Variants in THYN1 observed in about 807,000 individuals in gnomAD.
The protein encoded by THYN1 is thymocyte nuclear protein 1.
Under a neutral mutation model 30.6 loss-of-function variants are expected in THYN1, and 32 were observed. That is an observed-to-expected ratio of 1.05 (90% CI 0.79 to 1.40). THYN1 has a LOEUF of 1.40. Among genes scored for constraint, THYN1 ranks in the 40% most tolerant of loss-of-function variants. THYN1 has a pLI of 0.00. For missense variants in THYN1, 259 were observed against 272.6 expected, an observed-to-expected ratio of 0.95 and a Z score of 0.35; for synonymous variants, 107 against 90.8, an observed-to-expected ratio of 1.18 and a Z score of -1.01.
At chr11:134,252,488 G>A (rs971249180) in intron 1 of THYN1, among the ~76,000 whole-genome samples, 4 of 152,020 alleles carry the variant, frequency 2.6e-5, no homozygotes, top group Admixed American at 6.6e-5. Context: ...CATCCTTCTC[G>A]AGGCCTTCCC....
chr11:134,252,913 G>C lies in THYN1; in HGVS notation c.-31C>G. 1 of 1,557,188 alleles carries C rather than the reference G, an allele frequency of 6.4e-7. No individual in the cohort carries two copies. Among genetic ancestry groups the C allele is most frequent in the East Asian group, 2.3e-5 (1 of 42,964 alleles). Reference sequence around the variant, plus strand: ...CGCTGCAGGGGACTTTAGTGCGGACGATTCTGGAATCAACGGAGATACAAG... The same window carrying C: ...CGCTGCAGGGGACTTTAGTGCGGACCATTCTGGAATCAACGGAGATACAAG... On this transcript the variant is annotated 5_prime_UTR_variant, in exon 1 of 7. In the 5' UTR this introduces an upstream ATG that the reference lacks. Coordinates refer to ENST00000341541, the MANE Select transcript of THYN1 (RefSeq NM_014174.3).
intron 1 of THYN1, chr11:134,251,608 T>C (rs1323013840): frequency 3.5e-6 from 1 of 286,398 alleles, no homozygotes; most frequent in African/African-American, 2.2e-5. Context: ...CTCTCTCTTC[T>C]ATGCCTTTGC....
chr11:134,251,000 T>G, intron 2 of THYN1, 130 bp downstream of exon 2: 30 of 1,088,758 alleles, frequency 2.8e-5, no homozygotes, highest in Non-Finnish European at 1.8e-5. Flanking sequence ...ACCCTGCCGA[T>G]TTTATTCATT....
At position 134,249,912 on chromosome 11, in the gene THYN1, G is replaced by C. The variant is rs1374303433; in HGVS notation, c.300C>G (p.Asn100Lys). 1 of 1,613,574 alleles carries C rather than the reference G, an allele frequency of 6.2e-7. No individual in the cohort carries two copies. Among genetic ancestry groups the C allele is most frequent in the Non-Finnish European group, 8.5e-7 (1 of 1,179,722 alleles). Residue 100 changes from asparagine to lysine, a missense_variant, in exon 4 of 7, where the codon AAC (asparagine) becomes AAG (lysine). Transcript: ENST00000341541. ...WDGVRNYQAR[N>K]FLRAMKLGEE... Reference sequence around the variant, plus strand: ...CTCCCAGCTTCATGGCTCTAAGGAAGTTCCGAGCCTGTCCCGGGAGAAGAA... The same window carrying C: ...CTCCCAGCTTCATGGCTCTAAGGAACTTCCGAGCCTGTCCCGGGAGAAGAA...
In THYN1 at chr11:134,249,276, A is replaced by G; in HGVS notation, c.385-14T>C. On this transcript the variant is annotated splice_polypyrimidine_tract_variant and intron_variant, in intron 4 of 6. Coordinates refer to ENST00000341541, the MANE Select transcript of THYN1 (RefSeq NM_014174.3). The stretch of plus-strand genomic sequence containing the variant: ...CTCTTTCACGATCTGAAACCAAAAC[A>G]AAAGCTTTGAATCATCTGCCTGCAG... 6.2e-7 allele frequency: 1 copy of G among 1,613,572 alleles called. No individual in the cohort carries two copies. The highest frequency in any genetic ancestry group is 2.2e-5 in the East Asian group (1 of 44,886).
In THYN1 at chr11:134,249,262, T is replaced by C. The variant is rs1384007772; in HGVS notation, c.385A>G (p.Ile129Val). The C allele has an allele frequency of 6.2e-7, 1 of 1,614,228 alleles. No individual in the cohort carries two copies. The change falls in exon 5 of 7, where the codon ATC becomes GTC. Residue 129 changes from isoleucine to valine, a missense_variant and splice_region_variant. Ile to Val is a conservative substitution (Grantham distance 29). Coordinates refer to ENST00000341541, the MANE Select transcript of THYN1 (RefSeq NM_014174.3). ...KEPGIAGLMK[I>V]VKEAYPDHTQ... ...TGGTCTGGGTAAGCCTCTTTCACGA[T>C]CTGAAACCAAAACAAAAGCTTTGAA... is the stretch of plus-strand genomic sequence containing the variant.
rs1241543646 is a variant in THYN1, at chr11:134,251,199, C to T, written c.153G>A (p.Lys51=). ...QKTSATKNCL[K]NLSSHWLMKS... ...TCATCAGCCAGTGGCTGCTTAGATT[C>T]TTCAAACAGTTTTTAGTGGCTGAAG... Residue 51 remains lysine, a synonymous_variant, in exon 2 of 7, where the codon AAG becomes AAA. Coordinates refer to ENST00000341541, the MANE Select transcript of THYN1 (RefSeq NM_014174.3). 1 of 1,614,214 alleles carries T rather than the reference C, an allele frequency of 6.2e-7. No individual in the cohort carries two copies. Among genetic ancestry groups the T allele is most frequent in the Non-Finnish European group, 8.5e-7 (1 of 1,180,040 alleles).
Position 134,253,126 on chromosome 11 carries a change from G to A in THYN1, c.-244C>T. ...TAAACTCTTCTCGGTTCTGTCCTTG[G>A]TCCTTCTCATCCAGGAACCCCTATC... On this transcript the variant is annotated 5_prime_UTR_variant, in exon 1 of 7. Coordinates refer to ENST00000341541, the MANE Select transcript of THYN1 (RefSeq NM_014174.3). 2.9e-6 allele frequency: 4 copies of A among 1,357,656 alleles called. No homozygotes were observed. The South Asian group carries it at 7.5e-5, about 25-fold the overall frequency. 84.1% of individuals were successfully genotyped at this position (1,357,656 alleles called of 1,614,324 possible).
intron 4 of THYN1, 47 bp from the exon 5 acceptor site, chr11:134,249,309 C>T (rs763274224): frequency 6.4e-7 from 1 of 1,568,304 alleles, no homozygotes; most frequent in South Asian, 1.1e-5. Context: ...CAGTCAGCTC[C>T]ACAGCCAATC....
In THYN1 at chr11:134,249,108, C is replaced by T. The variant is rs758938429; in HGVS notation, c.480+59G>A. 2.5e-6 allele frequency: 4 copies of T among 1,571,728 alleles called. No homozygotes were observed. In the South Asian group the frequency reaches 3.5e-5, roughly 14 times the overall value. ...GTACCTTGACCTACAGTCACCCCAA[C>T]CGTCTTCTTCCCCTGGTTCATCCTT... On this transcript the variant is annotated intron_variant, in intron 5 of 6. Transcript: ENST00000341541.
Position 134,250,200 on chromosome 11 carries a change from A to G in THYN1, c.291+75T>C, listed in dbSNP as rs2136060662. 6.5e-6 allele frequency: 10 copies of G among 1,542,272 alleles called. 1 individual carries two copies. The South Asian group carries it at 1.1e-4, about 17-fold the overall frequency. On this transcript the variant is annotated intron_variant, in intron 3 of 6. Coordinates refer to ENST00000341541, the MANE Select transcript of THYN1 (RefSeq NM_014174.3). Reference sequence around the variant, plus strand: ...GCAACCTTGGCCAAGAGGTTCTGCTACTGAGTACGTCATGAGGAGGAGGCA... The same window carrying G: ...GCAACCTTGGCCAAGAGGTTCTGCTGCTGAGTACGTCATGAGGAGGAGGCA...
Position 134,250,265 on chromosome 11 carries a change from AC to A in THYN1, c.291+9del. The A allele has an allele frequency of 6.2e-7, 1 of 1,614,012 alleles. No homozygotes were observed. The highest frequency in any genetic ancestry group is 8.5e-7 in the Non-Finnish European group (1 of 1,179,954). Reference sequence around the variant, plus strand: ...CTGGGTCTCAGGCGACCTCCTCCTTACCCTCTTACCTGGTAGTTACGAACAC... The same window carrying A: ...CTGGGTCTCAGGCGACCTCCTCCTTACCTCTTACCTGGTAGTTACGAACAC... On this transcript the variant is annotated intron_variant, in intron 3 of 6. Transcript: ENST00000341541.
Position 134,251,210 on chromosome 11 carries a change from T to C in THYN1, c.142A>G (p.Asn48Asp), listed in dbSNP as rs370664070. The C allele has an allele frequency of 1.2e-5, 19 of 1,614,104 alleles. No homozygotes were observed. The highest frequency in any genetic ancestry group is 1.5e-5 in the Non-Finnish European group (18 of 1,180,044). Residue 48 changes from asparagine to aspartate, a missense_variant, in exon 2 of 7, where the codon AAC becomes GAC. Coordinates refer to ENST00000341541, the MANE Select transcript of THYN1 (RefSeq NM_014174.3). ...SNPQKTSATK[N>D]CLKNLSSHWL... ...TGGCTGCTTAGATTCTTCAAACAGT[T>C]TTTAGTGGCTGAAGTCTTCTGAGGG...
Position 134,249,880 on chromosome 11 carries a change from G to A in THYN1, c.332C>T (p.Ala111Val), listed in dbSNP as rs1938967415. 6.2e-7 allele frequency: 1 copy of A among 1,613,966 alleles called. No individual in the cohort carries two copies. The highest frequency in any genetic ancestry group is 1.1e-5 in the South Asian group (1 of 91,084). Residue 111 changes from alanine to valine, a missense_variant, in exon 4 of 7, where the codon GCC becomes GTC. Physicochemically the swap from Ala to Val is moderately conservative, Grantham distance 64. Coordinates refer to ENST00000341541, the MANE Select transcript of THYN1 (RefSeq NM_014174.3). The part of the protein sequence containing the change: ...FLRAMKLGEE[A>V]FFYHSNCKEP... The stretch of plus-strand genomic sequence containing the variant: ...TTTGCAGTTGCTATGGTAGAAGAAG[G>A]CTTCTTCTCCCAGCTTCATGGCTCT...
rs1390274862 is a variant in THYN1 at position 134,248,420 on chromosome 11, C to T, written c.*18G>A. The stretch of plus-strand genomic sequence containing the variant: ...TCTTTGCAGCAATGTCTCGCCCATT[C>T]CAGCAGCAGTATCTCAGTTAACTTG... On this transcript the variant is annotated 3_prime_UTR_variant, in exon 7 of 7. Transcript: ENST00000341541. 5.0e-6 allele frequency: 8 copies of T among 1,613,972 alleles called. No individual in the cohort carries two copies. Among genetic ancestry groups the T allele is most frequent in the Non-Finnish European group, 6.8e-6 (8 of 1,179,972 alleles).
chr11:134,249,888 T>TC lies in THYN1; in HGVS notation c.323dup (p.Glu109ArgfsTer8). 1 of 1,614,076 alleles carries TC rather than the reference T, an allele frequency of 6.2e-7. No homozygotes were observed. The highest frequency in any genetic ancestry group is 8.5e-7 in the Non-Finnish European group (1 of 1,179,998). On this transcript the variant is annotated frameshift_variant, in exon 4 of 7. Coordinates refer to ENST00000341541, the MANE Select transcript of THYN1 (RefSeq NM_014174.3). LOFTEE classifies it high-confidence loss of function. ...TGCTATGGTAGAAGAAGGCTTCTTC[T>TC]CCCAGCTTCATGGCTCTAAGGAAGT...
rs1266490260 is a variant in THYN1 at position 134,248,797 on chromosome 11, G to T, written c.631+12C>A. 1.2e-6 allele frequency: 2 copies of T among 1,613,924 alleles called. No individual in the cohort carries two copies. The highest frequency in any genetic ancestry group is 1.7e-6 in the Non-Finnish European group (2 of 1,179,872). On this transcript the variant is annotated intron_variant, in intron 6 of 6. Coordinates refer to ENST00000341541, the MANE Select transcript of THYN1 (RefSeq NM_014174.3). ...TGGTATATGGACAATAAAGGAGAGG[G>T]CCCACTCTTACCCTGGGTCAGGGGC...
Position 134,248,956 on chromosome 11 carries a change from C to T in THYN1, c.484G>A (p.Asp162Asn). 6.2e-7 allele frequency: 1 copy of T among 1,614,198 alleles called. No individual in the cohort carries two copies. Residue 162 changes from aspartate to asparagine, a missense_variant, in exon 6 of 7, where the codon GAT becomes AAT. Transcript: ENST00000341541. ...KEDNPKWSMV[D>N]VQFVRMMKRF... ...TTCATCATCCGAACAAACTGTACATCCACCTATGTGACAACAGTGTACATG... is the reference window on the plus strand; with the variant it reads ...TTCATCATCCGAACAAACTGTACATTCACCTATGTGACAACAGTGTACATG...
Position 134,249,938 on chromosome 11 carries a change from A to T in THYN1, c.292-18T>A. The T allele has an allele frequency of 6.2e-7, 1 of 1,607,282 alleles. No individual in the cohort carries two copies. Among genetic ancestry groups the T allele is most frequent in the Non-Finnish European group, 8.5e-7 (1 of 1,175,782 alleles). On this transcript the variant is annotated intron_variant, in intron 3 of 6. Transcript: ENST00000341541. Reference sequence around the variant, plus strand: ...TTCCGAGCCTGTCCCGGGAGAAGAAAGAGTAACTATCCTCCCACCAGCTGG... The same window carrying T: ...TTCCGAGCCTGTCCCGGGAGAAGAATGAGTAACTATCCTCCCACCAGCTGG...
Sources: allele counts gnomAD v4.1 joint callset (sites outside exome capture counted in the v4.1 genomes callset), GRCh38; gene constraint gnomAD v4.1.1; transcripts MANE v1.5; gene names NCBI Gene and HGNC (gene_info 2026-07-23, HGNC 2026-07-21).